ASB7: variants seen among roughly 807,000 people sequenced by gnomAD.
ASB7 encodes ankyrin repeat and SOCS box protein 7.
In ASB7, 4 loss-of-function variants were observed where a neutral mutation model predicts 32.5. That is an observed-to-expected ratio of 0.12 (90% CI 0.06 to 0.28). ASB7 has a LOEUF of 0.28. ASB7 is among the 10% of genes least tolerant of loss of function. The pLI is 1.00. For missense variants in ASB7, 181 were observed against 407.1 expected (o/e 0.44, Z 4.78); for synonymous variants, 172 against 155.6 (o/e 1.11, Z -0.78).
chr15:100,607,457 G>C (rs1467619659), intron 2 of ASB7, among the ~76,000 whole-genome samples: 1 of 152,186 alleles, frequency 6.6e-6, no homozygotes, highest in Non-Finnish European at 1.5e-5. Context: ...GGGGTCTTTT[G>C]TAATAAATTA....
chr15:100,646,247 C>G, intron 5 of ASB7: 1 of 398,024 alleles, frequency 2.5e-6, no homozygotes, highest in Non-Finnish European at 5.0e-6. Flanking sequence ...TCCATGTGTC[C>G]CACAATTGTC....
intron 5 of ASB7, among the ~76,000 whole-genome samples, chr15:100,644,392 T>C (rs1449585890): frequency 6.6e-6 from 1 of 152,222 alleles, no homozygotes; most frequent in African/African-American, 2.4e-5. Context: ...AAAATGACAA[T>C]GATAATTTAT....
intron 2 of ASB7, among the ~76,000 whole-genome samples, chr15:100,606,611 A>G (rs8033048): frequency 0.42 from 64,290 of 152,064 alleles, 13,762 homozygotes; most frequent in South Asian, 0.5. Flanking sequence ...CTTGGCATCT[A>G]TATGGAAATT....
At chr15:100,615,292 T>C (rs992628694) in intron 4 of ASB7, among the ~76,000 whole-genome samples, 7 of 152,234 alleles carry the variant, frequency 4.6e-5, no homozygotes, top group Admixed American at 2.0e-4. Flanking sequence ...GTAATTCACA[T>C]GCCACAGAAT....
Position 100,611,484 on chromosome 15 carries a change from C to CTTTTTTTTTTTTTTTTTTTTTTTTTTT in ASB7, c.-51-669_-51-668insTTTTTTTTTTTTTTTTTTTTTTTTTTT. 1.2e-3 allele frequency among the ~76,000 whole-genome samples: 93 copies of CTTTTTTTTTTTTTTTTTTTTTTTTTTT among 77,150 alleles called. 27 individuals are homozygous for CTTTTTTTTTTTTTTTTTTTTTTTTTTT. Among genetic ancestry groups the CTTTTTTTTTTTTTTTTTTTTTTTTTTT allele is most frequent in the East Asian group, 7.9e-3 (14 of 1,782 alleles). The allele number at this position is 77,150 out of a possible 152,430, so 50.6% of individuals were successfully genotyped here. A position where few individuals can be genotyped will look rare whatever the true frequency, so the allele number is the denominator to read the frequency against. ...GGTTAATCACCAGATTGTTTCGATT[C>CTTTTTTTTTTTTTTTTTTTTTTTTTTT]TTTTTTTTTTTTTGAGACAGAATTT... On this transcript the variant is annotated intron_variant, in intron 3 of 5. Transcript: ENST00000332783.
intron 4 of ASB7, among the ~76,000 whole-genome samples, chr15:100,624,912 AT>A (rs960057553): frequency 2.6e-5 from 4 of 151,882 alleles, no homozygotes; most frequent in African/African-American, 4.8e-5. Flanking sequence ...ATAAAAAAAA[AT>A]ATTATGCCCA....
intron 5 of ASB7, chr15:100,645,426 G>GC: frequency 1.5e-5 from 5 of 330,650 alleles, no homozygotes; most frequent in South Asian, 6.3e-5. Flanking sequence ...TCGAGTTCAT[G>GC]CCCCCCGGAA....
intron 5 of ASB7, among the ~76,000 whole-genome samples, chr15:100,631,248 CCCATGTG>C (rs2039881405): frequency 6.6e-6 from 1 of 152,186 alleles, no homozygotes; most frequent in Admixed American, 6.5e-5. Context: ...AGCCACTGGT[CCCATGTG>C]GCTGCTGAGC....
At chr15:100,638,005 C>T (rs1273852968) in intron 5 of ASB7, among the ~76,000 whole-genome samples, 9 of 141,778 alleles carry the variant, frequency 6.3e-5, no homozygotes, top group African/African-American at 2.1e-4. Context: ...TGGATTTTTT[C>T]TTATTTTAAG....
In ASB7 at chr15:100,612,366, G is replaced by A. The variant is rs766453324; in HGVS notation, c.150G>A (p.Leu50=). The stretch of plus-strand genomic sequence containing the variant: ...GCCGAGATGCGAATGGCTGGACTCT[G>A]CTTCATTTCTCTGCAGCAAGAGGAA... The part of the protein sequence containing the change: ...PNGRDANGWT[L]LHFSAARGKE... The change falls in exon 4 of 6, where the codon CTG becomes CTA. Residue 50 remains leucine (L), a synonymous_variant. Coordinates refer to ENST00000332783, the MANE Select transcript of ASB7 (RefSeq NM_198243.3). 6 of 1,614,188 alleles carry A rather than the reference G, an allele frequency of 3.7e-6. No homozygotes were observed. The South Asian group carries it at 6.6e-5, about 18-fold the overall frequency.
intron 4 of ASB7, among the ~76,000 whole-genome samples, chr15:100,619,396 A>G (rs979402009): frequency 6.6e-6 from 1 of 152,260 alleles, no homozygotes; most frequent in African/African-American, 2.4e-5. Context: ...TTAGTAAATT[A>G]GCTAGTTATA....
rs201600289 is a variant in ASB7, at chr15:100,639,437, C to CT, written c.818-8877dup. ...TAAGGAGTAAGAAAGATCACGACTCCTTTTTTTTTAATTTTAAGAAAGCGG... is the reference window on the plus strand; with the variant it reads ...TAAGGAGTAAGAAAGATCACGACTCCTTTTTTTTTTAATTTTAAGAAAGCGG... On this transcript the variant is annotated intron_variant, in intron 5 of 5. Coordinates refer to ENST00000332783, the MANE Select transcript of ASB7 (RefSeq NM_198243.3). Among the ~76,000 whole-genome samples, 1,472 of 151,410 alleles carry CT rather than the reference C, an allele frequency of 9.7e-3. 27 individuals are homozygous for CT. The highest frequency in any genetic ancestry group is 0.033 in the African/African-American group (1,383 of 41,304).
chr15:100,614,288 A>G (rs1429366118), intron 4 of ASB7, among the ~76,000 whole-genome samples: 4 of 148,094 alleles, frequency 2.7e-5, no homozygotes, highest in Non-Finnish European at 3.0e-5. Flanking sequence ...AAAAAAAAAA[A>G]GAAAGAAAGA....
intron 5 of ASB7, among the ~76,000 whole-genome samples, chr15:100,635,189 GA>G (rs2039914075): frequency 6.6e-6 from 1 of 152,164 alleles, no homozygotes; most frequent in Non-Finnish European, 1.5e-5. Context: ...ACTGTGTTGA[GA>G]ATTTCACCTC....
intron 4 of ASB7, among the ~76,000 whole-genome samples, chr15:100,625,520 T>C (rs2039830579): frequency 6.6e-6 from 1 of 152,220 alleles, no homozygotes; most frequent in South Asian, 2.1e-4. Context: ...ATGCATGACG[T>C]ATATAAGCTA....
intron 5 of ASB7, among the ~76,000 whole-genome samples, chr15:100,645,007 T>G (rs2039988157): frequency 6.6e-6 from 1 of 152,240 alleles, no homozygotes; most frequent in Admixed American, 6.5e-5. Context: ...AGCAGAGGTC[T>G]AAGTCAGCCT....
chr15:100,640,284 A>G (rs1382994227), intron 5 of ASB7, among the ~76,000 whole-genome samples: 1 of 152,150 alleles, frequency 6.6e-6, no homozygotes, highest in Non-Finnish European at 1.5e-5. Flanking sequence ...AGTTGGGACT[A>G]CAGGCACGTG....
In ASB7 at chr15:100,650,924, A is replaced by C. The variant is rs1190095196; in HGVS notation, c.*2462A>C. The C allele has an allele frequency of 6.6e-6, 1 of 152,246 alleles. No individual in the cohort carries two copies. The highest frequency in any genetic ancestry group is 1.5e-5 in the Non-Finnish European group (1 of 68,040). 9.4% of individuals were successfully genotyped at this position (152,246 alleles called of 1,614,324 possible). On this transcript the variant is annotated 3_prime_UTR_variant, in exon 6 of 6. Coordinates refer to ENST00000332783, the MANE Select transcript of ASB7 (RefSeq NM_198243.3). ...GCAGGTCTGCATTTGAATTGGATTC[A>C]CAGAGAAGCATTCCATGGTCACATA...
intron 5 of ASB7, among the ~76,000 whole-genome samples, chr15:100,633,222 AAAAG>A (rs1338716366): frequency 2.0e-5 from 3 of 152,004 alleles, no homozygotes; most frequent in Non-Finnish European, 2.9e-5. Context: ...AAAAAAAAAA[AAAAG>A]AATGGAATGA....
Sources: allele counts gnomAD v4.1 joint callset (sites outside exome capture counted in the v4.1 genomes callset), GRCh38; gene constraint gnomAD v4.1.1; transcripts MANE v1.5; gene names NCBI Gene and HGNC (gene_info 2026-07-23, HGNC 2026-07-21).